ZNF804B: variants seen among roughly 807,000 people sequenced by gnomAD.
ZNF804B encodes the protein zinc finger 804B.
Under a neutral mutation model 101.4 loss-of-function variants are expected in ZNF804B, and 80 were observed. The ratio of observed to expected loss-of-function variants is 0.79; its 90% CI spans 0.66 to 0.95. ZNF804B has a LOEUF of 0.95. Among genes scored for constraint, ZNF804B ranks in the 40% least tolerant of loss-of-function variants. The probability of loss-of-function intolerance (pLI) is 0.00; values close to 1 mark genes in which losing one functional copy is unlikely to be tolerated. For synonymous variants in ZNF804B, 622 were observed against 558.8 expected (o/e 1.11, Z -1.59); for missense variants, 1,673 against 1,561.9 (o/e 1.07, Z -1.20).
chr7:88,913,419 A>G (rs571092460), intron 1 of ZNF804B, among the ~76,000 whole-genome samples: 1 of 151,946 alleles, frequency 6.6e-6, no homozygotes, highest in Non-Finnish European at 1.5e-5. Context: ...TTCGAGATGG[A>G]GTTTTGCTTT....
At chr7:89,103,447 T>A (rs1347096922) in intron 1 of ZNF804B, among the ~76,000 whole-genome samples, 1 of 151,380 alleles carries the variant, frequency 6.6e-6, no homozygotes, top group Non-Finnish European at 1.5e-5. Context: ...TCCATTTCCT[T>A]GGTTAAATGT....
chr7:89,274,483 C>T (rs1438382473), intron 2 of ZNF804B, among the ~76,000 whole-genome samples: 1 of 150,566 alleles, frequency 6.6e-6, no homozygotes, highest in Non-Finnish European at 1.5e-5. Flanking sequence ...CTACAAAGGA[C>T]ATGAACTCAT....
At chr7:89,072,757 G>A (rs1789560701) in intron 1 of ZNF804B, among the ~76,000 whole-genome samples, 1 of 152,032 alleles carries the variant, frequency 6.6e-6, no homozygotes, top group Non-Finnish European at 1.5e-5. Flanking sequence ...GGTTATTTTT[G>A]CCTTTTTCTT....
intron 1 of ZNF804B, among the ~76,000 whole-genome samples, chr7:89,056,009 G>A (rs955156153): frequency 8.5e-5 from 13 of 152,076 alleles, no homozygotes; most frequent in African/African-American, 2.7e-4. Flanking sequence ...TTGGAAAGAA[G>A]CTTTCTTGGT....
intron 1 of ZNF804B, among the ~76,000 whole-genome samples, chr7:88,992,640 C>A (rs953356612): frequency 1.3e-5 from 2 of 152,020 alleles, no homozygotes; most frequent in African/African-American, 4.8e-5. Context: ...GATAATCTGC[C>A]TTTTCATTAA....
intron 1 of ZNF804B, among the ~76,000 whole-genome samples, chr7:88,925,461 A>G (rs1584019988): frequency 6.6e-6 from 1 of 152,150 alleles, no homozygotes; most frequent in East Asian, 1.9e-4. Context: ...GTGTACTTAT[A>G]AAAATAGAAA....
intron 1 of ZNF804B, among the ~76,000 whole-genome samples, chr7:88,897,640 C>CA (rs1284673537): frequency 6.6e-6 from 1 of 152,144 alleles, no homozygotes; most frequent in African/African-American, 2.4e-5. Flanking sequence ...GATAAAGAAT[C>CA]AGAGTCTCAG....
At chr7:89,309,106 C>T (rs995027321) in intron 2 of ZNF804B, among the ~76,000 whole-genome samples, 2 of 152,054 alleles carry the variant, frequency 1.3e-5, no homozygotes, top group East Asian at 1.9e-4. Context: ...GAACATAGTA[C>T]CTGATAGGTA....
At chr7:89,085,211 C>T (rs1349782576) in intron 1 of ZNF804B, among the ~76,000 whole-genome samples, 1 of 151,858 alleles carries the variant, frequency 6.6e-6, no homozygotes, top group Non-Finnish European at 1.5e-5. Flanking sequence ...GACATGTTTT[C>T]TATGTTTGAG....
intron 1 of ZNF804B, among the ~76,000 whole-genome samples, chr7:89,053,700 T>A (rs1274613118): frequency 2.6e-5 from 4 of 152,014 alleles, no homozygotes; most frequent in African/African-American, 9.7e-5. Context: ...CAATCGCTTT[T>A]CTTCTTTGCA....
At chr7:89,021,848 C>G (rs948824357) in intron 1 of ZNF804B, among the ~76,000 whole-genome samples, 3 of 152,084 alleles carry the variant, frequency 2.0e-5, no homozygotes, top group African/African-American at 7.2e-5. Context: ...TAAGATTGTA[C>G]CATGTTGCAG....
intron 1 of ZNF804B, among the ~76,000 whole-genome samples, chr7:88,779,898 T>TACTATCC (rs1790196936): frequency 6.6e-6 from 1 of 152,156 alleles, no homozygotes; most frequent in Admixed American, 6.6e-5. Flanking sequence ...ATGATAGCCC[T>TACTATCC]AAGGTGCTAC....
intron 1 of ZNF804B, among the ~76,000 whole-genome samples, chr7:89,022,142 G>A (rs1183010531): frequency 1.3e-5 from 2 of 152,058 alleles, no homozygotes; most frequent in African/African-American, 2.4e-5. Flanking sequence ...TGGCTCATTA[G>A]TCTCTCTACA....
At chr7:89,112,396 C>T (rs1302944935) in intron 1 of ZNF804B, among the ~76,000 whole-genome samples, 2 of 152,070 alleles carry the variant, frequency 1.3e-5, no homozygotes, top group African/African-American at 4.8e-5. Context: ...CACTGAATAT[C>T]CTTTGCTCCT....
intron 2 of ZNF804B, among the ~76,000 whole-genome samples, chr7:89,267,072 T>G (rs1789807655): frequency 6.6e-6 from 1 of 152,186 alleles, no homozygotes; most frequent in South Asian, 2.1e-4. Context: ...GACCAACTGG[T>G]TATTTTATCA....
Position 89,336,035 on chromosome 7 carries a change from C to A in ZNF804B, c.3053C>A (p.Ala1018Glu). Residue 1018 changes from alanine (A) to glutamate (E), a missense_variant, in exon 4 of 4, where the codon GCA becomes GAA. Transcript: ENST00000333190. ...SSHTNNFTILADTDCDNHLSK... is the reference protein window; with the variant it reads ...SSHTNNFTILEDTDCDNHLSK... ...CACACAAATAATTTTACAATTTTAG[C>A]AGACACTGATTGTGATAACCATCTT... The A allele has an allele frequency of 1.2e-6, 2 of 1,613,958 alleles. No individual in the cohort carries two copies. The highest frequency in any genetic ancestry group is 1.7e-6 in the Non-Finnish European group (2 of 1,179,982).
intron 1 of ZNF804B, among the ~76,000 whole-genome samples, chr7:89,031,376 A>G (rs138329796): frequency 3.9e-5 from 6 of 152,026 alleles, no homozygotes; most frequent in African/African-American, 1.2e-4. Flanking sequence ...ACACACTCTT[A>G]TAATCATTTC....
intron 1 of ZNF804B, among the ~76,000 whole-genome samples, chr7:88,948,198 C>A (rs761952221): frequency 1.3e-5 from 2 of 151,684 alleles, no homozygotes; most frequent in Non-Finnish European, 2.9e-5. Context: ...GCAAACATGC[C>A]TGGGTATTAC....
At chr7:88,858,170 A>G (rs191325849) in intron 1 of ZNF804B, among the ~76,000 whole-genome samples, 31 of 152,168 alleles carry the variant, frequency 2.0e-4, no homozygotes, top group Admixed American at 3.9e-4. Flanking sequence ...CTCTAATGTC[A>G]CTAATTCATA....
Sources: allele counts gnomAD v4.1 joint callset (sites outside exome capture counted in the v4.1 genomes callset), GRCh38; gene constraint gnomAD v4.1.1; transcripts MANE v1.5; gene names NCBI Gene and HGNC (gene_info 2026-07-23, HGNC 2026-07-21).